Variants in KLHL29 observed in about 807,000 individuals in gnomAD.
The protein encoded by KLHL29 is kelch like family member 29.
A neutral mutation model predicts 80.4 loss-of-function variants in KLHL29; 21 were observed. The observed-to-expected ratio is 0.26, with a 90% confidence interval of 0.19 to 0.38. KLHL29 has a LOEUF of 0.38. KLHL29 is among the 10% of genes least tolerant of loss of function. The pLI, the probability that KLHL29 is intolerant of heterozygous loss-of-function variation, is 1.00. For synonymous variants in KLHL29, 511 were observed against 526.8 expected, an observed-to-expected ratio of 0.97 and a Z score of 0.41; for missense variants, 867 against 1,223.9, an observed-to-expected ratio of 0.71 and a Z score of 4.35.
At chr2:23,640,002 G>A (rs1376242173) in intron 4 of KLHL29, among the ~76,000 whole-genome samples, 2 of 152,056 alleles carry the variant, frequency 1.3e-5, no homozygotes, top group African/African-American at 2.4e-5. Flanking sequence ...TGGTCTGCCC[G>A]GCACATGCTT....
intron 4 of KLHL29, among the ~76,000 whole-genome samples, chr2:23,641,417 C>T (rs913341188): frequency 3.9e-5 from 6 of 152,324 alleles, no homozygotes; most frequent in Middle Eastern, 3.4e-3. Flanking sequence ...TCCCCTCCTG[C>T]GAGGACCATG....
chr2:23,615,297 C>CTCACG (rs1668976119), intron 3 of KLHL29, among the ~76,000 whole-genome samples: 1 of 152,228 alleles, frequency 6.6e-6, no homozygotes, highest in Non-Finnish European at 1.5e-5. Flanking sequence ...GAGCCTCACT[C>CTCACG]TCACGTCCAT....
intron 2 of KLHL29, among the ~76,000 whole-genome samples, chr2:23,495,075 A>T (rs893018840): frequency 8.5e-5 from 13 of 152,074 alleles, no homozygotes; most frequent in Admixed American, 6.6e-4. Flanking sequence ...TTGGAGACGG[A>T]GTCTTGAACT....
rs558998969 is a variant in KLHL29, at chr2:23,618,799, C to T, written c.286-20340C>T. Among the ~76,000 whole-genome samples the T allele has an allele frequency of 3.3e-5, 5 of 152,344 alleles. No individual in the cohort carries two copies. In the East Asian group the frequency reaches 9.6e-4, roughly 29 times the overall value. On this transcript the variant is annotated intron_variant, in intron 3 of 13. Transcript: ENST00000486442. The stretch of plus-strand genomic sequence containing the variant: ...ATTAAGGCAGGGGTTGAAATCTTAA[C>T]ATCTTTCCTGAACCCATAGCTTGAT...
At chr2:23,678,255 G>A (rs1185102317) in intron 5 of KLHL29, among the ~76,000 whole-genome samples, 4 of 152,102 alleles carry the variant, frequency 2.6e-5, no homozygotes, top group African/African-American at 4.8e-5. Flanking sequence ...CCATTCCCTC[G>A]TGCCACTTGC....
intron 3 of KLHL29, among the ~76,000 whole-genome samples, chr2:23,586,025 T>C (rs916247171): frequency 1.4e-4 from 21 of 152,140 alleles, no homozygotes; most frequent in Non-Finnish European, 2.9e-4. Flanking sequence ...GAGCCAGGAC[T>C]ATGCAGAACG....
At chr2:23,662,543 G>A (rs1452457493) in intron 5 of KLHL29, among the ~76,000 whole-genome samples, 1 of 152,074 alleles carries the variant, frequency 6.6e-6, no homozygotes, top group Non-Finnish European at 1.5e-5. Context: ...CCCCTCCTGG[G>A]GTTCCAGCCC....
rs114933555 is a variant in KLHL29 at position 23,531,731 on chromosome 2, C to T, written c.-45-30421C>T. Among the ~76,000 whole-genome samples the T allele has an allele frequency of 6.3e-3, 962 of 152,286 alleles. 15 individuals are homozygous for T. The highest frequency in any genetic ancestry group is 0.022 in the African/African-American group (924 of 41,554). On this transcript the variant is annotated intron_variant, in intron 2 of 13. Coordinates refer to ENST00000486442, the MANE Select transcript of KLHL29 (RefSeq NM_052920.2). ...CATAAATCTCACTTATTTCCAATTC[C>T]GCAGCAACTGATCCCAAGTTACAAT...
chr2:23,556,245 T>G (rs1259360474), intron 2 of KLHL29, among the ~76,000 whole-genome samples: 4 of 152,128 alleles, frequency 2.6e-5, no homozygotes, highest in Non-Finnish European at 5.9e-5. Context: ...GGCTCAGAGC[T>G]GGGAAACCGA....
At chr2:23,442,529 T>C (rs1444508891) in intron 1 of KLHL29, among the ~76,000 whole-genome samples, 4 of 152,154 alleles carry the variant, frequency 2.6e-5, no homozygotes, top group African/African-American at 9.7e-5. Flanking sequence ...AAGGAATCCA[T>C]GCAGGCTTTA....
At chr2:23,531,350 G>T (rs958375388) in intron 2 of KLHL29, among the ~76,000 whole-genome samples, 11 of 152,192 alleles carry the variant, frequency 7.2e-5, no homozygotes, top group African/African-American at 2.4e-4. Context: ...GGGGGGTGAG[G>T]CTCAGTTTTG....
intron 3 of KLHL29, among the ~76,000 whole-genome samples, chr2:23,575,248 C>T (rs144894100): frequency 5.3e-5 from 8 of 152,172 alleles, no homozygotes; most frequent in African/African-American, 1.2e-4. Flanking sequence ...CCCCAGAGAG[C>T]GGAGCCGAAG....
At chr2:23,633,792 T>TGTGTGTGTGTGTGTGTGTGTGTGTGTG (rs1190935622) in intron 3 of KLHL29, among the ~76,000 whole-genome samples, 2 of 151,800 alleles carry the variant, frequency 1.3e-5, no homozygotes, top group Non-Finnish European at 2.9e-5. Flanking sequence ...TGTGTGTGTG[T>TGTGTGTGTGTGTGTGTGTGTGTGTGTG]TTAATTTGAC....
chr2:23,639,144 C>G lies in KLHL29; in HGVS notation c.291C>G (p.Pro97=). Residue 97 remains proline, a synonymous_variant, in exon 4 of 14, where the codon CCC becomes CCG. Coordinates refer to ENST00000486442, the MANE Select transcript of KLHL29 (RefSeq NM_052920.2). The part of the protein sequence containing the change: ...SSASAVTTKA[P]GISKGDSQSQ... The stretch of plus-strand genomic sequence containing the variant: ...TCCTCATCTGCTTCCCACAGGCTCC[C>G]GGCATCTCCAAAGGGGACAGTCAGT... 1 of 1,531,134 alleles carries G rather than the reference C, an allele frequency of 6.5e-7. No homozygotes were observed. Among genetic ancestry groups the G allele is most frequent in the Non-Finnish European group, 8.8e-7 (1 of 1,140,088 alleles). The allele number at this position is 1,531,134 out of a possible 1,614,324, so 94.8% of individuals were successfully genotyped here. A position where few individuals can be genotyped will look rare whatever the true frequency, so the allele number is the denominator to read the frequency against.
intron 5 of KLHL29, among the ~76,000 whole-genome samples, chr2:23,659,849 GCTGCCTC>G (rs1192606348): frequency 2.6e-5 from 4 of 151,836 alleles, no homozygotes; most frequent in Admixed American, 2.0e-4. Context: ...TGGGTGGCGT[GCTGCCTC>G]CTCATCTTCT....
chr2:23,488,145 T>C (rs1215712663), intron 2 of KLHL29, among the ~76,000 whole-genome samples: 3 of 152,214 alleles, frequency 2.0e-5, no homozygotes, highest in Non-Finnish European at 2.9e-5. Flanking sequence ...CCCCGTCTTA[T>C]TTGTCAGGTG....
At chr2:23,431,737 C>CA (rs893537548) in intron 1 of KLHL29, among the ~76,000 whole-genome samples, 1 of 151,696 alleles carries the variant, frequency 6.6e-6, no homozygotes, top group African/African-American at 2.4e-5. Flanking sequence ...ACTAAAAGTA[C>CA]AAAAAAATTA....
intron 7 of KLHL29, 82 bp downstream of exon 7, chr2:23,691,958 G>C (rs1332411512): frequency 5.0e-6 from 7 of 1,400,810 alleles, no homozygotes; most frequent in Admixed American, 2.0e-5. Context: ...GGACTGAGCG[G>C]GGAGGTCTGT....
chr2:23,592,457 C>A (rs1270416654), intron 3 of KLHL29, among the ~76,000 whole-genome samples: 1 of 152,194 alleles, frequency 6.6e-6, no homozygotes, highest in South Asian at 2.1e-4. Context: ...GACCTGGGAG[C>A]CAAGCAGGGA....
Sources: gnomAD v4.1 joint callset for allele counts (sites outside exome capture counted in the v4.1 genomes callset) on GRCh38, gnomAD v4.1.1 for gene constraint, MANE v1.5 for transcripts, NCBI Gene and HGNC (gene_info 2026-07-23, HGNC 2026-07-21) for gene names.